The following SYNE2 variants were observed in gnomAD, a reference collection of about 807,000 sequenced individuals.
SYNE2 encodes the protein spectrin repeat containing nuclear envelope protein 2.
In SYNE2, 431 loss-of-function variants were observed where a neutral mutation model predicts 856.3. The observed-to-expected ratio is 0.50, with a 90% CI of 0.47 to 0.55. The LOEUF (loss-of-function observed/expected upper bound fraction) is 0.55. Among genes scored for constraint, SYNE2 ranks in the 20% least tolerant of loss-of-function variants. The pLI is 0.00. For missense variants in SYNE2, 8,129 were observed against 8,023.2 expected (o/e 1.01, Z -0.50); for synonymous variants, 2,923 against 2,872.3 (o/e 1.02, Z -0.56).
intron 2 of SYNE2, among the ~76,000 whole-genome samples, chr14:63,916,277 C>T (rs1395526300): frequency 6.6e-6 from 1 of 152,132 alleles, no homozygotes; most frequent in East Asian, 1.9e-4. Context: ...AAAAAACGTA[C>T]TGTATATAGC....
At chr14:64,139,888 C>G (rs535923353) in intron 79 of SYNE2, 53 bp from the exon 80 acceptor site, 1 of 1,600,000 alleles carries the variant, frequency 6.3e-7, no homozygotes, top group Non-Finnish European at 8.6e-7. Flanking sequence ...TGATGCATAT[C>G]ATTATCAGAA....
chr14:63,869,324 A>C (rs1401459759), intron 1 of SYNE2, among the ~76,000 whole-genome samples: 1 of 152,118 alleles, frequency 6.6e-6, no homozygotes, highest in African/African-American at 2.4e-5. Context: ...CTACTTTTTC[A>C]TCTTAAAAAT....
chr14:64,218,532 G>A lies in SYNE2; in HGVS notation c.19657+20G>A. Reference sequence around the variant, plus strand: ...AGTCAGGTACTGCCTGTAACTGGCAGTCGTCCAGAGAGGCAGAGTATGGTA... The same window carrying A: ...AGTCAGGTACTGCCTGTAACTGGCAATCGTCCAGAGAGGCAGAGTATGGTA... On this transcript the variant is annotated intron_variant, in intron 109 of 115. Transcript: ENST00000555002. 2 of 1,609,480 alleles carry A rather than the reference G, an allele frequency of 1.2e-6. No homozygotes were observed. The highest frequency in any genetic ancestry group is 8.5e-7 in the Non-Finnish European group (1 of 1,176,534).
At chr14:64,217,315 G>T (rs2098671210) in intron 108 of SYNE2, among the ~76,000 whole-genome samples, 1 of 152,166 alleles carries the variant, frequency 6.6e-6, no homozygotes, top group South Asian at 2.1e-4. Flanking sequence ...TTGGTTTGTT[G>T]TTTATAGCAA....
chr14:63,916,957 A>G (rs1489044815), intron 2 of SYNE2, among the ~76,000 whole-genome samples: 2 of 151,976 alleles, frequency 1.3e-5, no homozygotes, highest in Admixed American at 6.6e-5. Context: ...GGGCATGGCA[A>G]CATTCCCCTG....
At chr14:64,097,265 T>C (rs763705764) in intron 61 of SYNE2, among the ~76,000 whole-genome samples, 1 of 152,222 alleles carries the variant, frequency 6.6e-6, no homozygotes, top group Non-Finnish European at 1.5e-5. Flanking sequence ...TTTATTTGTT[T>C]ACCTATTCCT....
At chr14:63,994,181 C>CAAGGTACTTAA (rs2096693328) in intron 22 of SYNE2, among the ~76,000 whole-genome samples, 2 of 151,996 alleles carry the variant, frequency 1.3e-5, no homozygotes, top group African/African-American at 4.8e-5. Flanking sequence ...CAGCTATGAC[C>CAAGGTACTTAA]CTGGGCAAGG....
At chr14:63,765,171 C>T (rs1460507074) in intron 1 of SYNE2, among the ~76,000 whole-genome samples, 1 of 151,996 alleles carries the variant, frequency 6.6e-6, no homozygotes, top group African/African-American at 2.4e-5. Context: ...TGACTAAGCC[C>T]AGGGGTAGGT....
upstream of SYNE2, among the ~76,000 whole-genome samples, chr14:63,849,693 A>T (rs1161883822): frequency 1.3e-5 from 2 of 152,212 alleles, no homozygotes; most frequent in African/African-American, 4.8e-5. Flanking sequence ...AAATATAAAT[A>T]GCAACTCTTG....
intron 55 of SYNE2, among the ~76,000 whole-genome samples, chr14:64,079,867 C>A (rs934451723): frequency 6.6e-6 from 1 of 152,134 alleles, no homozygotes; most frequent in Non-Finnish European, 1.5e-5. Flanking sequence ...CGCCACTACA[C>A]CTGGCTAAGT....
At chr14:64,217,876 TAACAG>T (rs1167598465) in intron 108 of SYNE2, among the ~76,000 whole-genome samples, 1 of 152,198 alleles carries the variant, frequency 6.6e-6, no homozygotes. Flanking sequence ...GGCTGTGTGA[TAACAG>T]AAGAGTCAGT....
rs2098031441 is a variant in SYNE2 at position 64,132,394 on chromosome 14, G to A, written c.14470G>A (p.Glu4824Lys). Residue 4824 changes from glutamate to lysine, a missense_variant, in exon 77 of 116, where the codon GAA becomes AAA. By Grantham distance (56) the Glu-to-Lys change is moderately conservative. This residue lies in a region of SYNE2 where 5,410 missense variants were observed against 5,284.8 expected (regional missense o/e 1.02). Transcript: ENST00000555002. ...EQVTEVKILE[E>K]KSRQCGMKLQ... is the part of the protein sequence containing the mutation. The stretch of plus-strand genomic sequence containing the variant: ...AGTAACAGAAGTTAAAATACTAGAA[G>A]AAAAGTCACGCCAATGTGGTATGAA... 10 of 1,614,188 alleles carry A rather than the reference G, an allele frequency of 6.2e-6. No homozygotes were observed. The East Asian group carries it at 2.2e-4, about 36-fold the overall frequency.
chr14:64,115,923 G>A (rs1304168903), intron 66 of SYNE2, among the ~76,000 whole-genome samples: 3 of 152,150 alleles, frequency 2.0e-5, no homozygotes, highest in Non-Finnish European at 4.4e-5. Flanking sequence ...GGAGGCCAAG[G>A]CGGGTGGATT....
Position 64,186,085 on chromosome 14 carries a change from ATG to A in SYNE2, c.17557-325_17557-324del, listed in dbSNP as rs367745304. Among the ~76,000 whole-genome samples the A allele has an allele frequency of 1.3e-4, 20 of 151,854 alleles. 1 individual carries two copies. Among genetic ancestry groups the A allele is most frequent in the Non-Finnish European group, 2.5e-4 (17 of 67,882 alleles). ...TCAGGATTAAAAATTGTATGTGTGCATGTGTGTGTGTGTGTAAAGATTATTAG... is the reference window on the plus strand; with the variant it reads ...TCAGGATTAAAAATTGTATGTGTGCATGTGTGTGTGTGTAAAGATTATTAG... On this transcript the variant is annotated intron_variant, in intron 96 of 115. Transcript: ENST00000555002.
rs75665958 is a variant in SYNE2 at position 64,093,415 on chromosome 14, T to G, written c.12043T>G (p.Tyr4015Asp). ...IENLKQILNNYSAQFSLEHMS... is the reference protein window; with the variant it reads ...IENLKQILNNDSAQFSLEHMS... Reference sequence around the variant, plus strand: ...AAATTTGAAACAGATCTTAAATAATTATTCAGCTCAGTTCTCCCTTGAACA... The same window carrying G: ...AAATTTGAAACAGATCTTAAATAATGATTCAGCTCAGTTCTCCCTTGAACA... The change falls in exon 61 of 116, where the codon TAT (tyrosine) becomes GAT (aspartate). Residue 4015 changes from tyrosine to aspartate, a missense_variant. Coordinates refer to ENST00000555002, the MANE Select transcript of SYNE2 (RefSeq NM_182914.3). 1.2e-6 allele frequency: 2 copies of G among 1,614,088 alleles called. No homozygotes were observed. Among genetic ancestry groups the G allele is most frequent in the South Asian group, 2.2e-5 (2 of 91,082 alleles).
At chr14:63,886,902 T>C (rs534781605) in intron 1 of SYNE2, among the ~76,000 whole-genome samples, 32 of 152,268 alleles carry the variant, frequency 2.1e-4, no homozygotes, top group African/African-American at 6.7e-4. Context: ...CCAAGTGATC[T>C]GCCTGCCTTG....
intron 6 of SYNE2, among the ~76,000 whole-genome samples, chr14:63,945,005 A>G (rs915346664): frequency 1.4e-5 from 2 of 147,730 alleles, no homozygotes; most frequent in Non-Finnish European, 3.0e-5. Flanking sequence ...ACTGAGTTTC[A>G]CCATGTTGGC....
intron 3 of SYNE2, 111 bp downstream of exon 3, chr14:63,940,786 A>G: frequency 1.1e-6 from 1 of 925,170 alleles, no homozygotes; most frequent in Non-Finnish European, 1.7e-6. Context: ...ATGACAGGGA[A>G]AAGGTTGTGG....
chr14:64,093,525 G>A (rs2153630271), intron 61 of SYNE2, 45 bp downstream of exon 61: 7 of 1,612,428 alleles, frequency 4.3e-6, no homozygotes, highest in African/African-American at 2.7e-5. Context: ...TTGTCCATCA[G>A]TGCATTTATT....
Sources: gnomAD v4.1 joint callset for allele counts (sites outside exome capture counted in the v4.1 genomes callset) on GRCh38, gnomAD v4.1.1 for gene constraint, gnomAD v4.1.1 regional missense constraint, MANE v1.5 for transcripts, NCBI Gene and HGNC (gene_info 2026-07-23, HGNC 2026-07-21) for gene names.